The following OLR1 variants were observed in gnomAD, a reference collection of about 807,000 sequenced individuals.
OLR1 encodes the protein oxidized low density lipoprotein receptor 1, also known as oxidized low-density lipoprotein receptor 1.
In OLR1, 23 loss-of-function variants were observed where a neutral mutation model predicts 31.7. The observed-to-expected ratio is 0.72, with a 90% CI of 0.52 to 1.03. The LOEUF (loss-of-function observed/expected upper bound fraction) is 1.03, where lower values mean the gene tolerates loss of function less well. Among genes scored for constraint, OLR1 ranks in the 50% least tolerant of loss-of-function variants. OLR1 has a pLI of 0.00. For missense variants in OLR1, 286 were observed against 315.7 expected, an observed-to-expected ratio of 0.91 and a Z score of 0.71; for synonymous variants, 117 against 115.8, an observed-to-expected ratio of 1.01 and a Z score of -0.07.
chr12:10,167,534 C>A (rs1185269826), intron 2 of OLR1: 1 of 152,222 alleles, frequency 6.6e-6, no homozygotes. Flanking sequence ...ACCAGTACAG[C>A]ATTAGAATAA....
At chr12:10,162,468 G>A (rs1342587895) in intron 3 of OLR1, among the ~76,000 whole-genome samples, 1 of 152,176 alleles carries the variant, frequency 6.6e-6, no homozygotes, top group Non-Finnish European at 1.5e-5. Flanking sequence ...CAAGTTGAAA[G>A]CAGTCAATGC....
intron 3 of OLR1, among the ~76,000 whole-genome samples, chr12:10,161,152 TA>T (rs1948617061): frequency 6.6e-6 from 1 of 152,140 alleles, no homozygotes; most frequent in African/African-American, 2.4e-5. Flanking sequence ...CACTACTTCT[TA>T]AGTAAAATTT....
At chr12:10,167,664 G>A (rs1312767246) in intron 2 of OLR1, 4 of 152,160 alleles carry the variant, frequency 2.6e-5, no homozygotes, top group Admixed American at 2.6e-4. Context: ...CTCCCATTCT[G>A]TCTACTCTTC....
At chr12:10,171,879 T>A in intron 1 of OLR1, 123 bp downstream of exon 1, 2 of 636,082 alleles carry the variant, frequency 3.1e-6, no homozygotes, top group Non-Finnish European at 5.6e-6. Context: ...TTTAAGTAAA[T>A]GGTATTAATT....
At chr12:10,164,127 G>C (rs957316901) in intron 3 of OLR1, among the ~76,000 whole-genome samples, 1 of 152,214 alleles carries the variant, frequency 6.6e-6, no homozygotes, top group East Asian at 1.9e-4. Flanking sequence ...TCCTGATGTA[G>C]ATTTAATCCC....
chr12:10,162,864 A>G (rs1464685486), intron 3 of OLR1, among the ~76,000 whole-genome samples: 2 of 152,176 alleles, frequency 1.3e-5, no homozygotes, highest in African/African-American at 4.8e-5. Context: ...TTTTTTGTGG[A>G]CTAAAAAGAC....
intron 1 of OLR1, 72 bp downstream of exon 1, chr12:10,171,930 T>G: frequency 8.8e-7 from 1 of 1,141,724 alleles, no homozygotes; most frequent in East Asian, 2.4e-5. Flanking sequence ...CTAATCCCAT[T>G]CTTCGGTGAA....
intron 5 of OLR1, 88 bp from the exon 6 acceptor site, chr12:10,160,109 T>C (rs1948607797): frequency 7.1e-7 from 1 of 1,408,082 alleles, no homozygotes; most frequent in Non-Finnish European, 9.7e-7. Flanking sequence ...TGAAACTTTT[T>C]GTCTTAAAGC....
At chr12:10,172,337 A>G (rs1948730299), upstream of OLR1, 1 of 357,892 alleles carries the variant, frequency 2.8e-6, no homozygotes, top group Non-Finnish European at 5.2e-6. Context: ...AATTTATGAA[A>G]GGGAAAACTA....
rs1948601474 is a variant in OLR1 at position 10,159,397 on chromosome 12, A to G, written c.*483T>C. The G allele has an allele frequency of 6.5e-6, 1 of 154,428 alleles. No homozygotes were observed. Among genetic ancestry groups the G allele is most frequent in the Non-Finnish European group, 1.4e-5 (1 of 69,188 alleles). 9.6% of individuals were successfully genotyped at this position (154,428 alleles called of 1,614,324 possible). A position where few individuals can be genotyped will look rare whatever the true frequency, so the allele number is the denominator to read the frequency against. ...AAGGATTGATACCTTTTTTAAAGTT[A>G]AGAACATGAGTTTCTTGATTTCGGA... On this transcript the variant is annotated 3_prime_UTR_variant, in exon 6 of 6. Transcript: ENST00000309539.
chr12:10,165,932 C>T (rs768623623), intron 3 of OLR1, among the ~76,000 whole-genome samples: 13 of 152,040 alleles, frequency 8.6e-5, no homozygotes, highest in African/African-American at 1.7e-4. Context: ...AACTTCTTGC[C>T]GGGTGCGGTG....
At position 10,159,987 on chromosome 12, in the gene OLR1, G is replaced by A. The variant is rs1591978712; in HGVS notation, c.715C>T (p.Pro239Ser). 4 of 1,613,616 alleles carry A rather than the reference G, an allele frequency of 2.5e-6. No homozygotes were observed. Among genetic ancestry groups the A allele is most frequent in the Non-Finnish European group, 3.4e-6 (4 of 1,179,734 alleles). ...TGTATATATGCACAGGTACCTGAAG[G>A]GTATGTCTGGGAGACAGCGCCTCGG... ...RVRGAVSQTY[P>S]SGTCAYIQRG... The change falls in exon 6 of 6, where the codon CCT becomes TCT. Residue 239 changes from proline (P) to serine (S), a missense_variant. Pro to Ser is a moderately conservative substitution (Grantham distance 74). Transcript: ENST00000309539.
intron 3 of OLR1, among the ~76,000 whole-genome samples, chr12:10,166,415 C>T (rs555663316): frequency 6.6e-6 from 1 of 151,136 alleles, no homozygotes; most frequent in African/African-American, 2.4e-5. Flanking sequence ...GTAGTCCCAA[C>T]GACTTGGGAG....
intron 3 of OLR1, 31 bp from the exon 4 acceptor site, chr12:10,160,956 T>C: frequency 6.2e-7 from 1 of 1,602,532 alleles, no homozygotes; most frequent in Non-Finnish European, 8.5e-7. Flanking sequence ...CATCAGTCAG[T>C]TATGTTTGTG....
Position 10,159,927 on chromosome 12 carries a change from C to T in OLR1, c.775G>A (p.Ala259Thr). 6.2e-7 allele frequency: 1 copy of T among 1,613,914 alleles called. No homozygotes were observed. The highest frequency in any genetic ancestry group is 1.1e-5 in the South Asian group (1 of 91,080). The change falls in exon 6 of 6, where the codon GCT (alanine) becomes ACT (threonine). Residue 259 changes from alanine (A) to threonine (T), a missense_variant. By Grantham distance (58) the Ala-to-Thr change is moderately conservative. Coordinates refer to ENST00000309539, the MANE Select transcript of OLR1 (RefSeq NM_002543.4). Reference sequence around the variant, plus strand: ...TTCTTCTGACATATACTGAAGGCAGCTAAAATGCAGTTTTCCGCATAAACA... The same window carrying T: ...TTCTTCTGACATATACTGAAGGCAGTTAAAATGCAGTTTTCCGCATAAACA... ...GAVYAENCIL[A>T]AFSICQKKAN...
At chr12:10,160,657 G>A in intron 4 of OLR1, 129 bp downstream of exon 4, 1 of 1,222,584 alleles carries the variant, frequency 8.2e-7, no homozygotes, top group Non-Finnish European at 1.2e-6. Context: ...CACAAAATTG[G>A]TGATCAGACT....
intron 3 of OLR1, among the ~76,000 whole-genome samples, chr12:10,166,310 C>G (rs929525465): frequency 4.6e-5 from 7 of 151,876 alleles, no homozygotes; most frequent in Non-Finnish European, 8.8e-5. Context: ...GGTGGATCAC[C>G]TGAGGTCAGG....
chr12:10,175,371 C>T (rs776842598), upstream of OLR1: 1 of 152,112 alleles, frequency 6.6e-6, no homozygotes, highest in Non-Finnish European at 1.5e-5. Flanking sequence ...CCCAGGCTCA[C>T]CTGAGAATGC....
chr12:10,166,619 G>C, intron 3 of OLR1, 93 bp downstream of exon 3: 1 of 1,346,028 alleles, frequency 7.4e-7, no homozygotes, highest in Non-Finnish European at 1.1e-6. Context: ...CATAACAATA[G>C]ACCAATTTTG....
Sources: gnomAD v4.1 joint callset for allele counts (sites outside exome capture counted in the v4.1 genomes callset) on GRCh38, gnomAD v4.1.1 for gene constraint, MANE v1.5 for transcripts, NCBI Gene and HGNC (gene_info 2026-07-23, HGNC 2026-07-21) for gene names.